The following LARGE1 variants were observed in gnomAD, a reference collection of about 807,000 sequenced individuals.
The protein encoded by LARGE1 is xylosyl- and glucuronyltransferase LARGE1.
LARGE1 carries 43 observed loss-of-function variants against 87.6 expected under a neutral mutation model. The observed-to-expected ratio is 0.49, with a 90% CI of 0.38 to 0.63. The LOEUF is 0.63. Ranked by LOEUF, LARGE1 falls within the 30% of genes least tolerant of loss-of-function variation. The probability of loss-of-function intolerance (pLI) is 0.00; values close to 1 mark genes in which losing one functional copy is unlikely to be tolerated. For missense variants in LARGE1, 802 were observed against 1,000.2 expected, an observed-to-expected ratio of 0.80 and a Z score of 2.67; for synonymous variants, 434 against 394.6, an observed-to-expected ratio of 1.10 and a Z score of -1.18.
chr22:33,611,972 C>G (rs2079442524), intron 4 of LARGE1, among the ~76,000 whole-genome samples: 1 of 152,140 alleles, frequency 6.6e-6, no homozygotes, highest in Non-Finnish European at 1.5e-5. Flanking sequence ...CTTTTTTGCC[C>G]TTCTGACATA....
At chr22:33,565,772 T>G (rs925067739) in intron 5 of LARGE1, among the ~76,000 whole-genome samples, 1 of 148,352 alleles carries the variant, frequency 6.7e-6, no homozygotes, top group African/African-American at 2.5e-5. Context: ...GACATTATGA[T>G]CCTCACATAA....
intron 2 of LARGE1, among the ~76,000 whole-genome samples, chr22:33,757,586 AC>A (rs767334722): frequency 6.6e-6 from 1 of 151,808 alleles, no homozygotes; most frequent in Non-Finnish European, 1.5e-5. Flanking sequence ...CAACTCCAAA[AC>A]CCTATGCTGA....
chr22:33,893,929 T>C (rs998278825), intron 1 of LARGE1, among the ~76,000 whole-genome samples: 8 of 152,060 alleles, frequency 5.3e-5, no homozygotes, highest in African/African-American at 9.7e-5. Flanking sequence ...ACATGTTGAG[T>C]AGAAGTGCAT....
chr22:33,526,225 A>C (rs1251933210), intron 6 of LARGE1, among the ~76,000 whole-genome samples: 1 of 152,234 alleles, frequency 6.6e-6, no homozygotes, highest in Non-Finnish European at 1.5e-5. Flanking sequence ...AAAAAACTAT[A>C]TTTATATGAA....
intron 2 of LARGE1, among the ~76,000 whole-genome samples, chr22:33,703,047 T>A (rs1016729627): frequency 6.6e-6 from 1 of 152,242 alleles, no homozygotes; most frequent in East Asian, 1.9e-4. Flanking sequence ...TGCAGGGACA[T>A]TGATGAAGCT....
intron 3 of LARGE1, among the ~76,000 whole-genome samples, chr22:33,644,088 A>T (rs1160728024): frequency 6.6e-6 from 1 of 152,098 alleles, no homozygotes; most frequent in African/African-American, 2.4e-5. Context: ...TAACACCAAA[A>T]CCTGGCAGAG....
Position 33,372,849 on chromosome 22 carries a change from G to C in LARGE1, c.1131+9070C>G, listed in dbSNP as rs534520222. ...GGTTACTTAAAGGTTGCCTCGAAAA[G>C]TATATTTAGAATGGAAATAGAAACA... On this transcript the variant is annotated intron_variant, in intron 9 of 14. Coordinates refer to ENST00000397394, the MANE Select transcript of LARGE1 (RefSeq NM_133642.5). Among the ~76,000 whole-genome samples, 82 of 152,310 alleles carry C rather than the reference G, an allele frequency of 5.4e-4. 1 individual carries two copies. Among genetic ancestry groups the C allele is most frequent in the African/African-American group, 2.0e-3 (82 of 41,560 alleles).
intron 1 of LARGE1, among the ~76,000 whole-genome samples, chr22:33,863,988 G>A (rs1304195851): frequency 2.6e-5 from 4 of 152,178 alleles, no homozygotes; most frequent in African/African-American, 9.7e-5. Context: ...ATGTTTCCAG[G>A]TGAATGTGAG....
the LARGE1 span, among the ~76,000 whole-genome samples, chr22:33,131,484 G>A: frequency 6.6e-6 from 1 of 152,168 alleles, no homozygotes; most frequent in Non-Finnish European, 1.5e-5. Context: ...CCGAGACTGA[G>A]TCATTTATAA....
intron 1 of LARGE1, among the ~76,000 whole-genome samples, chr22:33,840,261 G>C (rs2063239579): frequency 6.6e-6 from 1 of 151,834 alleles, no homozygotes; most frequent in Non-Finnish European, 1.5e-5. Flanking sequence ...GTAAAATCTA[G>C]GAAAAATAAT....
At chr22:33,324,787 C>T (rs557498976) in intron 10 of LARGE1, among the ~76,000 whole-genome samples, 21 of 152,242 alleles carry the variant, frequency 1.4e-4, no homozygotes, top group Non-Finnish European at 2.4e-4. Context: ...AACTGAAAAG[C>T]GAGACCTGAT....
intron 6 of LARGE1, among the ~76,000 whole-genome samples, chr22:33,495,478 T>C (rs1452013856): frequency 6.6e-6 from 1 of 152,090 alleles, no homozygotes; most frequent in Non-Finnish European, 1.5e-5. Flanking sequence ...CCCAGCACTT[T>C]GGGAGGCCCA....
intron 1 of LARGE1, among the ~76,000 whole-genome samples, chr22:33,792,996 C>T (rs1410366062): frequency 6.6e-6 from 1 of 152,168 alleles, no homozygotes; most frequent in Middle Eastern, 3.2e-3. Flanking sequence ...GCTTTCCACC[C>T]AAACAGCGAA....
intron 5 of LARGE1, among the ~76,000 whole-genome samples, chr22:33,565,537 T>C (rs2077997214): frequency 6.7e-6 from 1 of 148,438 alleles, no homozygotes; most frequent in Non-Finnish European, 1.5e-5. Flanking sequence ...TTACTACTGC[T>C]GCCTTCTCTT....
intron 1 of LARGE1, among the ~76,000 whole-genome samples, chr22:33,910,752 G>T (rs1389754407): frequency 6.6e-6 from 1 of 152,214 alleles, no homozygotes; most frequent in Non-Finnish European, 1.5e-5. Flanking sequence ...CAAGAGAGAG[G>T]ATGGGGGGTT....
At chr22:33,111,696 G>C in the LARGE1 span, among the ~76,000 whole-genome samples, 1 of 152,204 alleles carries the variant, frequency 6.6e-6, no homozygotes, top group African/African-American at 2.4e-5. Flanking sequence ...TCCCACCTCT[G>C]CCTCTTGCTA....
chr22:33,334,128 A>G lies in LARGE1; in HGVS notation c.1287+3518T>C, dbSNP rs1938107458. On this transcript the variant is annotated intron_variant, in intron 10 of 14. Transcript: ENST00000397394. Reference sequence around the variant, plus strand: ...ACAGTGCGAGATTCCGTCTCAAAAAAAAAGCCAGGCGCGGTGGCTCATGCC... The same window carrying G: ...ACAGTGCGAGATTCCGTCTCAAAAAGAAAGCCAGGCGCGGTGGCTCATGCC... Among the ~76,000 whole-genome samples, 6 of 151,460 alleles carry G rather than the reference A, an allele frequency of 4.0e-5. No homozygotes were observed. The South Asian group carries it at 1.3e-3, about 32-fold the overall frequency.
At chr22:33,371,856 C>T (rs767367016) in intron 9 of LARGE1, among the ~76,000 whole-genome samples, 47 of 151,930 alleles carry the variant, frequency 3.1e-4, no homozygotes, top group Non-Finnish European at 6.6e-4. Context: ...TGGTGGCGGG[C>T]GCCTGTAGTC....
chr22:33,422,765 A>T (rs1330611606), intron 7 of LARGE1, among the ~76,000 whole-genome samples: 1 of 151,800 alleles, frequency 6.6e-6, no homozygotes, highest in Non-Finnish European at 1.5e-5. Flanking sequence ...GCGCCCGGCC[A>T]TACACACTTT....
Sources: allele counts gnomAD v4.1 joint callset (sites outside exome capture counted in the v4.1 genomes callset), GRCh38; gene constraint gnomAD v4.1.1; transcripts MANE v1.5; gene names NCBI Gene and HGNC (gene_info 2026-07-23, HGNC 2026-07-21).